KANK1: variants seen among roughly 807,000 people sequenced by gnomAD.
KANK1 encodes the protein KN motif and ankyrin repeat domain-containing protein 1.
KANK1 carries 109 observed loss-of-function variants against 106.2 expected under a neutral mutation model. The observed-to-expected ratio is 1.03, with a 90% CI of 0.88 to 1.20. The LOEUF (loss-of-function observed/expected upper bound fraction) is 1.20, where lower values mean the gene tolerates loss of function less well. Ranked by LOEUF, KANK1 falls within the 50% of genes most tolerant of loss-of-function variation. KANK1 has a pLI of 0.00. For missense variants in KANK1, 2,399 were observed against 1,710.7 expected (o/e 1.40, Z -7.10); for synonymous variants, 873 against 652.2 (o/e 1.34, Z -5.16).
chr9:577,305 TACA>T (rs1457643858), intron 1 of KANK1, among the ~76,000 whole-genome samples: 38 of 152,206 alleles, frequency 2.5e-4, no homozygotes, highest in African/African-American at 8.9e-4. Flanking sequence ...TGATCCATTT[TACA>T]GAGTGCTGAT....
intron 3 of KANK1, among the ~76,000 whole-genome samples, chr9:726,698 G>T (rs1377680948): frequency 6.6e-6 from 1 of 152,156 alleles, no homozygotes; most frequent in Non-Finnish European, 1.5e-5. Context: ...GGTGGCTCAT[G>T]CCTATAATCC....
At position 711,347 on chromosome 9, in the gene KANK1, G is replaced by A. The variant is rs769410753; in HGVS notation, c.581G>A (p.Ser194Asn). The A allele has an allele frequency of 5.6e-6, 9 of 1,614,034 alleles. No individual in the cohort carries two copies. The highest frequency in any genetic ancestry group is 7.6e-6 in the Non-Finnish European group (9 of 1,180,050). The part of the protein sequence containing the change: ...LASFGGMGTT[S>N]SLPSFVGSGN... ...AGTTTTGGAGGCATGGGCACCACAA[G>A]CTCCCTCCCTTCTTTTGTGGGTTCT... Residue 194 changes from serine (S) to asparagine (N), a missense_variant, in exon 3 of 12, where the codon AGC (serine) becomes AAC (asparagine). Ser to Asn is a conservative substitution (Grantham distance 46). Coordinates refer to ENST00000382297, the MANE Select transcript of KANK1 (RefSeq NM_015158.5).
In KANK1 at chr9:711,006, T is replaced by G; in HGVS notation, c.240T>G (p.Ser80=). 2 of 1,614,216 alleles carry G rather than the reference T, an allele frequency of 1.2e-6. No individual in the cohort carries two copies. Among genetic ancestry groups the G allele is most frequent in the Non-Finnish European group, 8.5e-7 (1 of 1,180,030 alleles). Residue 80 remains serine (S), a synonymous_variant, in exon 3 of 12, where the codon TCT becomes TCG. Coordinates refer to ENST00000382297, the MANE Select transcript of KANK1 (RefSeq NM_015158.5). Reference sequence around the variant, plus strand: ...CATGCCCAGAACCCAGGACCACATCTGGTCAGCAAGGTATATGGACTTCCA... The same window carrying G: ...CATGCCCAGAACCCAGGACCACATCGGGTCAGCAAGGTATATGGACTTCCA... The part of the protein sequence containing the change: ...SVPCPEPRTT[S]GQQGIWTSTE...
intron 2 of KANK1, among the ~76,000 whole-genome samples, chr9:703,219 T>C (rs1823134804): frequency 6.6e-6 from 1 of 152,006 alleles, no homozygotes; most frequent in Non-Finnish European, 1.5e-5. Context: ...CTCGAACTCC[T>C]GATCTCAAGT....
intron 2 of KANK1, among the ~76,000 whole-genome samples, chr9:692,545 T>G (rs1302196052): frequency 6.6e-6 from 1 of 151,942 alleles, no homozygotes; most frequent in Admixed American, 6.5e-5. Context: ...TTGAGCTGTT[T>G]TACATACCAT....
Position 604,772 on chromosome 9 carries a change from G to T in KANK1, c.-83-72118G>T, listed in dbSNP as rs151275729. ...TTGAACCTGACAGATGGAGGTTACA[G>T]TGAGCCAAGATTGTGCCACTGCACT... On this transcript the variant is annotated intron_variant, in intron 1 of 11. Transcript: ENST00000382297. Among the ~76,000 whole-genome samples, 987 of 151,992 alleles carry T rather than the reference G, an allele frequency of 6.5e-3. 30 individuals carry two copies. Among genetic ancestry groups the T allele is most frequent in the African/African-American group, 0.021 (874 of 41,256 alleles).
At chr9:566,059 C>G (rs1039671734) in intron 1 of KANK1, among the ~76,000 whole-genome samples, 3 of 152,192 alleles carry the variant, frequency 2.0e-5, no homozygotes, top group East Asian at 1.9e-4. Flanking sequence ...TTGTTGTCCT[C>G]TATGTGCCCA....
At chr9:631,262 A>C (rs1288290581) in intron 1 of KANK1, among the ~76,000 whole-genome samples, 4 of 152,214 alleles carry the variant, frequency 2.6e-5, no homozygotes, top group Non-Finnish European at 5.9e-5. Flanking sequence ...TATCTATGCA[A>C]GTTATGCAGC....
intron 1 of KANK1, among the ~76,000 whole-genome samples, chr9:603,990 G>T (rs1324639393): frequency 6.8e-6 from 1 of 147,136 alleles, no homozygotes; most frequent in African/African-American, 2.5e-5. Flanking sequence ...AAATTATTTT[G>T]GCCTTACCAT....
At chr9:737,629 C>T (rs924375190) in intron 7 of KANK1, among the ~76,000 whole-genome samples, 69 of 152,268 alleles carry the variant, frequency 4.5e-4, no homozygotes, top group African/African-American at 1.6e-3. Context: ...AAATTAGTTC[C>T]AGACGGGGTT....
intron 1 of KANK1, among the ~76,000 whole-genome samples, chr9:662,664 A>ATTTTTTT (rs1843602568): frequency 2.2e-5 from 1 of 45,132 alleles, no homozygotes; most frequent in African/African-American, 9.9e-5. Context: ...TACAAAAGTT[A>ATTTTTTT]ATTTTTTTTT....
At chr9:523,026 A>G (rs534982596) in intron 1 of KANK1, among the ~76,000 whole-genome samples, 4 of 151,778 alleles carry the variant, frequency 2.6e-5, no homozygotes, top group African/African-American at 9.7e-5. Context: ...TCTTTTCTGT[A>G]GACACTCATT....
At chr9:624,551 C>A (rs1833901350) in intron 1 of KANK1, among the ~76,000 whole-genome samples, 1 of 152,096 alleles carries the variant, frequency 6.6e-6, no homozygotes, top group Admixed American at 6.5e-5. Context: ...TGCCTGTAAT[C>A]CCAGCACTTT....
chr9:543,283 C>T (rs962230014), intron 1 of KANK1, among the ~76,000 whole-genome samples: 6 of 151,860 alleles, frequency 4.0e-5, no homozygotes, highest in Non-Finnish European at 8.8e-5. Flanking sequence ...AGGCCGGGCA[C>T]GGTGGCTCAT....
intron 1 of KANK1, among the ~76,000 whole-genome samples, chr9:585,232 AC>A (rs1428924332): frequency 2.0e-5 from 3 of 152,050 alleles, no homozygotes; most frequent in Non-Finnish European, 4.4e-5. Flanking sequence ...TTCAGGTAAA[AC>A]TCTAGCAACA....
intron 1 of KANK1, among the ~76,000 whole-genome samples, chr9:584,088 T>C (rs1313058913): frequency 2.0e-5 from 3 of 152,172 alleles, no homozygotes; most frequent in Non-Finnish European, 4.4e-5. Flanking sequence ...TAGTGAAGGA[T>C]ATCTTTCTCA....
At chr9:526,768 T>C (rs2059811235) in intron 1 of KANK1, among the ~76,000 whole-genome samples, 1 of 151,672 alleles carries the variant, frequency 6.6e-6, no homozygotes, top group African/African-American at 2.4e-5. Context: ...TTGACTGCTT[T>C]AGATCTGTGA....
At chr9:530,552 C>G (rs1286794536) in intron 1 of KANK1, among the ~76,000 whole-genome samples, 5 of 152,124 alleles carry the variant, frequency 3.3e-5, no homozygotes, top group African/African-American at 1.2e-4. Context: ...GTTGCTCTGC[C>G]TAGCTCTGTG....
chr9:635,150 G>T (rs914590637), intron 1 of KANK1, among the ~76,000 whole-genome samples: 1 of 152,106 alleles, frequency 6.6e-6, no homozygotes, highest in Non-Finnish European at 1.5e-5. Context: ...GGACTACAGG[G>T]CTTCCTTTTC....
Sources: allele counts gnomAD v4.1 joint callset (sites outside exome capture counted in the v4.1 genomes callset), GRCh38; gene constraint gnomAD v4.1.1; transcripts MANE v1.5; gene names NCBI Gene and HGNC (gene_info 2026-07-23, HGNC 2026-07-21).